Variants in OCA2 observed in about 807,000 individuals in gnomAD.
The protein encoded by OCA2 is OCA2 melanosomal transmembrane protein.
OCA2 carries 77 observed loss-of-function variants against 100.2 expected under a neutral mutation model. The observed-to-expected ratio is 0.77, with a 90% CI of 0.64 to 0.93. OCA2 has a LOEUF of 0.93. Ranked by LOEUF, OCA2 falls within the 40% of genes least tolerant of loss-of-function variation. The pLI is 0.00. For synonymous variants in OCA2, 432 were observed against 439.2 expected (o/e 0.98, Z 0.21); for missense variants, 1,062 against 1,089.1 (o/e 0.98, Z 0.35).
intron 21 of OCA2, among the ~76,000 whole-genome samples, chr15:27,856,046 G>A (rs553283158): frequency 5.5e-4 from 83 of 152,252 alleles, no homozygotes; most frequent in African/African-American, 1.9e-3. Flanking sequence ...TCTAGGGGAG[G>A]GTCCTTCCTT....
chr15:27,727,614 A>G, the OCA2 span, among the ~76,000 whole-genome samples: 1 of 152,222 alleles, frequency 6.6e-6, no homozygotes, highest in Non-Finnish European at 1.5e-5. Context: ...AAAAATACTC[A>G]GAAGGACAAT....
chr15:27,950,465 C>T, intron 18 of OCA2: 2 of 479,680 alleles, frequency 4.2e-6, no homozygotes, highest in South Asian at 3.1e-5. Context: ...AAAATCGTTA[C>T]CACTCCAGCT....
intron 8 of OCA2, 49 bp from the exon 9 acceptor site, chr15:28,014,978 G>A: frequency 6.3e-7 from 1 of 1,587,142 alleles, no homozygotes; most frequent in South Asian, 1.1e-5. Flanking sequence ...AACAGTTAGG[G>A]GACCTCCCTC....
chr15:27,739,691 C>T, the OCA2 span, among the ~76,000 whole-genome samples: 1 of 152,044 alleles, frequency 6.6e-6, no homozygotes, highest in Non-Finnish European at 1.5e-5. Flanking sequence ...GCTGATCCAC[C>T]CGCCTTGGCC....
intron 2 of OCA2, among the ~76,000 whole-genome samples, chr15:28,045,354 T>G (rs2043317484): frequency 6.6e-6 from 1 of 152,260 alleles, no homozygotes; most frequent in African/African-American, 2.4e-5. Flanking sequence ...TATGGTACAC[T>G]GTGGTTCACA....
intron 1 of OCA2, among the ~76,000 whole-genome samples, chr15:28,083,826 A>T (rs548760973): frequency 1.3e-5 from 2 of 152,278 alleles, no homozygotes; most frequent in South Asian, 4.1e-4. Flanking sequence ...GGGCCTCACA[A>T]ATTATGTAAC....
At chr15:27,739,820 T>C in the OCA2 span, among the ~76,000 whole-genome samples, 1 of 152,128 alleles carries the variant, frequency 6.6e-6, no homozygotes, top group Admixed American at 6.6e-5. Context: ...TCCCATATCT[T>C]CCTCATCTCC....
the OCA2 span, among the ~76,000 whole-genome samples, chr15:27,723,990 G>A: frequency 4.6e-5 from 7 of 152,112 alleles, no homozygotes; most frequent in African/African-American, 1.2e-4. Flanking sequence ...CTATGTCCCA[G>A]TGGGACCCTG....
intron 14 of OCA2, among the ~76,000 whole-genome samples, chr15:27,980,191 G>A (rs1404266139): frequency 2.6e-5 from 4 of 151,156 alleles, no homozygotes; most frequent in South Asian, 2.1e-4. Context: ...GCAGTGGCAC[G>A]ATCTCGGCTC....
At chr15:28,016,297 A>G (rs937892369) in intron 7 of OCA2, 111 bp from the exon 8 acceptor site, 6 of 832,426 alleles carry the variant, frequency 7.2e-6, no homozygotes, top group Non-Finnish European at 1.0e-5. Flanking sequence ...GGAGAAAGAA[A>G]GAAACAGGAG....
chr15:27,791,961 G>A (rs2033102715), intron 23 of OCA2, among the ~76,000 whole-genome samples: 1 of 152,104 alleles, frequency 6.6e-6, no homozygotes, highest in Non-Finnish European at 1.5e-5. Context: ...CTCCTTTTCT[G>A]TTGCACCTTA....
rs1253892239 is a variant in OCA2, at chr15:27,998,943, G to A, written c.1045-8296C>T. ...AAATCATCATTCTCAGTAAACTATC[G>A]CAAGGACAAAAAACCAAACACCGCA... On this transcript the variant is annotated intron_variant, in intron 9 of 23. Coordinates refer to ENST00000354638, the MANE Select transcript of OCA2 (RefSeq NM_000275.3). 1.1e-4 allele frequency among the ~76,000 whole-genome samples: 17 copies of A among 149,174 alleles called. 1 individual carries two copies. The highest frequency in any genetic ancestry group is 4.7e-4 in the Admixed American group (7 of 14,936).
intron 19 of OCA2, among the ~76,000 whole-genome samples, chr15:27,872,339 T>C (rs974068132): frequency 2.0e-5 from 3 of 152,368 alleles, no homozygotes; most frequent in Non-Finnish European, 4.4e-5. Context: ...TTTAATGCAG[T>C]TTTTGTAATC....
chr15:28,027,847 G>C, intron 4 of OCA2, 24 bp downstream of exon 4: 2 of 1,611,192 alleles, frequency 1.2e-6, no homozygotes, highest in Non-Finnish European at 1.7e-6. Context: ...CTGCTGCCAG[G>C]GTGGGCACCC....
intron 18 of OCA2, among the ~76,000 whole-genome samples, chr15:27,942,337 C>G (rs1393224954): frequency 4.0e-5 from 6 of 151,396 alleles, no homozygotes; most frequent in Non-Finnish European, 8.8e-5. Context: ...AAATGAAGCA[C>G]TAATCCATGA....
At chr15:27,899,796 G>A (rs1166341990) in intron 19 of OCA2, among the ~76,000 whole-genome samples, 1 of 152,182 alleles carries the variant, frequency 6.6e-6, no homozygotes, top group Non-Finnish European at 1.5e-5. Flanking sequence ...TGCAGTATGT[G>A]CTTAAACAAA....
intron 23 of OCA2, among the ~76,000 whole-genome samples, chr15:27,806,555 G>A (rs1230123879): frequency 1.3e-5 from 2 of 152,188 alleles, no homozygotes; most frequent in Non-Finnish European, 2.9e-5. Flanking sequence ...GACAGGAGGA[G>A]GGCCCTTCCC....
At chr15:27,794,505 C>T (rs1416479533) in intron 23 of OCA2, among the ~76,000 whole-genome samples, 2 of 152,104 alleles carry the variant, frequency 1.3e-5, no homozygotes, top group Non-Finnish European at 1.5e-5. Flanking sequence ...ATATCTTTGG[C>T]ATTAATTACT....
At chr15:27,856,219 T>G (rs2035943637) in intron 21 of OCA2, among the ~76,000 whole-genome samples, 2 of 152,210 alleles carry the variant, frequency 1.3e-5, no homozygotes, top group African/African-American at 4.8e-5. Flanking sequence ...GGTGACCTGA[T>G]TTAAACTTGA....
Sources: allele counts gnomAD v4.1 joint callset (sites outside exome capture counted in the v4.1 genomes callset), GRCh38; gene constraint gnomAD v4.1.1; transcripts MANE v1.5; gene names NCBI Gene and HGNC (gene_info 2026-07-23, HGNC 2026-07-21).